MRPL42: variants seen among roughly 807,000 people sequenced by gnomAD.
MRPL42 encodes large ribosomal subunit protein mL42.
In MRPL42, 17 loss-of-function variants were observed where a neutral mutation model predicts 17.9. The observed-to-expected ratio is 0.95, with a 90% CI of 0.65 to 1.42. MRPL42 has a LOEUF of 1.42. Ranked by LOEUF, MRPL42 falls within the 40% of genes most tolerant of loss-of-function variation. The pLI, the probability that MRPL42 is intolerant of heterozygous loss-of-function variation, is 0.00. For missense variants in MRPL42, 177 were observed against 175.2 expected, an observed-to-expected ratio of 1.01 and a Z score of -0.06; for synonymous variants, 59 against 54.4, an observed-to-expected ratio of 1.08 and a Z score of -0.37.
At chr12:93,494,219 A>G (rs911302609) in intron 5 of MRPL42, among the ~76,000 whole-genome samples, 19 of 151,352 alleles carry the variant, frequency 1.3e-4, no homozygotes, top group African/African-American at 4.6e-4. Flanking sequence ...TACAAGAACC[A>G]AGGGAAGTGT....
Position 93,506,357 on chromosome 12 carries a change from C to T in MRPL42, c.*5136C>T, listed in dbSNP as rs957628601. 2.7e-5 allele frequency: 4 copies of T among 147,668 alleles called. No individual in the cohort carries two copies. The highest frequency in any genetic ancestry group is 1.4e-4 in the Admixed American group (2 of 14,592). The allele number at this position is 147,668 out of a possible 1,614,324, so 9.1% of individuals were successfully genotyped here. A position where few individuals can be genotyped will look rare whatever the true frequency, so the allele number is the denominator to read the frequency against. On this transcript the variant is annotated 3_prime_UTR_variant, in exon 6 of 6. Coordinates refer to ENST00000549982, the MANE Select transcript of MRPL42 (RefSeq NM_014050.4). ...CTCAGCTCACTGCAACCTCCACCTC[C>T]CGGGTTCAAGCGATTCTCCTGCCTC... is the stretch of plus-strand genomic sequence containing the variant.
rs575088079 is a variant in MRPL42 at position 93,511,745 on chromosome 12, C to T, written c.*10524C>T. The T allele has an allele frequency of 1.2e-4, 19 of 152,314 alleles. 1 individual carries two copies. The highest frequency in any genetic ancestry group is 6.2e-4 in the South Asian group (3 of 4,828). 9.4% of individuals were successfully genotyped at this position (152,314 alleles called of 1,614,324 possible). A position where few individuals can be genotyped will look rare whatever the true frequency, so the allele number is the denominator to read the frequency against. ...CCAACAAACAGCTAACTCTAAACAA[C>T]AGTAAAGTGTGGAATAAATTACTTT... On this transcript the variant is annotated 3_prime_UTR_variant, in exon 6 of 6. Transcript: ENST00000549982.
intron 5 of MRPL42, among the ~76,000 whole-genome samples, chr12:93,499,885 A>G (rs1449301062): frequency 6.6e-6 from 1 of 152,228 alleles, no homozygotes. Context: ...CTTACCATTT[A>G]TAGTATAAAA....
chr12:93,469,473 A>C, intron 2 of MRPL42, 118 bp downstream of exon 2: 3 of 703,956 alleles, frequency 4.3e-6, no homozygotes, highest in Non-Finnish European at 6.9e-6. Flanking sequence ...AGCAATGGAA[A>C]GTGGGAGAAA....
chr12:93,484,894 G>A (rs1353894523), intron 4 of MRPL42, among the ~76,000 whole-genome samples: 6 of 146,308 alleles, frequency 4.1e-5, no homozygotes, highest in African/African-American at 1.5e-4. Flanking sequence ...CACTGCGCCC[G>A]GCCTCAAAAC....
intron 5 of MRPL42, among the ~76,000 whole-genome samples, chr12:93,489,280 G>A (rs992567216): frequency 6.6e-6 from 1 of 152,080 alleles, no homozygotes; most frequent in African/African-American, 2.4e-5. Context: ...ACAGCATTTC[G>A]GATAAAGTGT....
chr12:93,479,166 G>A (rs1880335275), intron 3 of MRPL42, among the ~76,000 whole-genome samples: 1 of 151,266 alleles, frequency 6.6e-6, no homozygotes, highest in Non-Finnish European at 1.5e-5. Context: ...CAAGCAATCT[G>A]CCCACCTTGG....
At position 93,500,774 on chromosome 12, in the gene MRPL42, A is replaced by G. The variant is rs545684563; in HGVS notation, c.384-402A>G. ...AATTATCCTCAAGATATGAAAGAAAACTATTTCAAATGCTTAATTTAATTA... is the reference window on the plus strand; with the variant it reads ...AATTATCCTCAAGATATGAAAGAAAGCTATTTCAAATGCTTAATTTAATTA... On this transcript the variant is annotated intron_variant, in intron 5 of 5. Transcript: ENST00000549982. The G allele has an allele frequency of 4.4e-4, 68 of 153,438 alleles. 1 individual carries two copies. In the Middle Eastern group the frequency reaches 0.01, roughly 23 times the overall value. The allele number at this position is 153,438 out of a possible 1,614,324, so 9.5% of individuals were successfully genotyped here.
chr12:93,471,589 C>T (rs1879914354), intron 2 of MRPL42, among the ~76,000 whole-genome samples: 1 of 152,136 alleles, frequency 6.6e-6, no homozygotes, highest in Non-Finnish European at 1.5e-5. Context: ...GCATGAGCCA[C>T]CGCACCTGGC....
At chr12:93,469,746 A>G (rs947276096) in intron 2 of MRPL42, among the ~76,000 whole-genome samples, 1 of 152,248 alleles carries the variant, frequency 6.6e-6, no homozygotes, top group East Asian at 1.9e-4. Context: ...CAAAAAAAGC[A>G]TGTCAGAACC....
chr12:93,481,082 A>G (rs752348505), intron 4 of MRPL42, among the ~76,000 whole-genome samples: 3 of 152,152 alleles, frequency 2.0e-5, no homozygotes, highest in Non-Finnish European at 2.9e-5. Flanking sequence ...TGTTTTAGCA[A>G]TTATACTAAG....
intron 4 of MRPL42, among the ~76,000 whole-genome samples, chr12:93,484,975 C>CACATATATATACATATATATAT (rs1880644797): frequency 4.3e-5 from 1 of 23,170 alleles, no homozygotes; most frequent in African/African-American, 1.2e-4. Context: ...CACACACACA[C>CACATATATATACATATATATAT]ACACATATAT....
At chr12:93,494,564 C>T (rs569210528) in intron 5 of MRPL42, among the ~76,000 whole-genome samples, 1 of 152,236 alleles carries the variant, frequency 6.6e-6, no homozygotes, top group South Asian at 2.1e-4. Context: ...GGAGGACCAT[C>T]AGAAGCACAG....
chr12:93,512,416 C>T lies in MRPL42; in HGVS notation c.*11195C>T, dbSNP rs1953733477. On this transcript the variant is annotated 3_prime_UTR_variant, in exon 6 of 6. Coordinates refer to ENST00000549982, the MANE Select transcript of MRPL42 (RefSeq NM_014050.4). ...GCAGTGAGCCAAGATTGTGCCACTG[C>T]ACACCAGCCTGGATAAAAAGAGTGA... 1 of 152,166 alleles carries T rather than the reference C, an allele frequency of 6.6e-6. No homozygotes were observed. Among genetic ancestry groups the T allele is most frequent in the African/African-American group, 2.4e-5 (1 of 41,420 alleles). The allele number at this position is 152,166 out of a possible 1,614,324, so 9.4% of individuals were successfully genotyped here.
At chr12:93,487,772 T>A in intron 5 of MRPL42, 112 bp downstream of exon 5, 1 of 979,738 alleles carries the variant, frequency 1.0e-6, no homozygotes, top group Non-Finnish European at 1.5e-6. Context: ...AAATTAACCC[T>A]AAGTAGAATC....
chr12:93,470,884 C>T (rs1159213011), intron 2 of MRPL42, among the ~76,000 whole-genome samples: 5 of 152,182 alleles, frequency 3.3e-5, no homozygotes, highest in Non-Finnish European at 7.3e-5. Context: ...TCCATGTCTT[C>T]GCTATTGTGA....
rs936532717 is a variant in MRPL42 at position 93,516,139 on chromosome 12, C to G, written c.*14918C>G. ...CTAGGTTCTTCTAAACACTCTCATACTGAGACACCCCATGGTTCCCTATGT... is the reference window on the plus strand; with the variant it reads ...CTAGGTTCTTCTAAACACTCTCATAGTGAGACACCCCATGGTTCCCTATGT... On this transcript the variant is annotated 3_prime_UTR_variant, in exon 6 of 6. Transcript: ENST00000549982. 6.6e-6 allele frequency: 1 copy of G among 152,234 alleles called. No homozygotes were observed. Among genetic ancestry groups the G allele is most frequent in the Non-Finnish European group, 1.5e-5 (1 of 68,054 alleles). The allele number at this position is 152,234 out of a possible 1,614,324, so 9.4% of individuals were successfully genotyped here.
Position 93,469,242 on chromosome 12 carries a change from A to T in MRPL42, c.-44A>T. The T allele has an allele frequency of 6.7e-7, 1 of 1,503,602 alleles. No individual in the cohort carries two copies. Among genetic ancestry groups the T allele is most frequent in the South Asian group, 1.2e-5 (1 of 83,098 alleles). 93.1% of individuals were successfully genotyped at this position (1,503,602 alleles called of 1,614,324 possible). ...CAGATTCTAAAAGCAGTTTCTCTTC[A>T]GAACATCTTTTTTCATACCACTTGA... On this transcript the variant is annotated 5_prime_UTR_variant, in exon 2 of 6. Transcript: ENST00000549982.
intron 4 of MRPL42, among the ~76,000 whole-genome samples, chr12:93,481,723 T>G (rs1012188148): frequency 1.3e-5 from 2 of 152,168 alleles, no homozygotes; most frequent in African/African-American, 4.8e-5. Flanking sequence ...ATATTCTAAT[T>G]ACCAGTAATT....
Sources: allele counts gnomAD v4.1 joint callset (sites outside exome capture counted in the v4.1 genomes callset), GRCh38; gene constraint gnomAD v4.1.1; transcripts MANE v1.5; gene names NCBI Gene and HGNC (gene_info 2026-07-23, HGNC 2026-07-21).